The following ABLIM2 variants were observed in gnomAD, a reference collection of about 807,000 sequenced individuals.
ABLIM2 encodes the protein actin-binding LIM protein 2.
A neutral mutation model predicts 97.7 loss-of-function variants in ABLIM2; 53 were observed. The ratio of observed to expected loss-of-function variants is 0.54; its 90% CI spans 0.44 to 0.68. ABLIM2 has a LOEUF of 0.68. ABLIM2 is among the 30% of genes least tolerant of loss of function. ABLIM2 has a pLI of 0.00. For missense variants in ABLIM2, 835 were observed against 867.2 expected (o/e 0.96, Z 0.47); for synonymous variants, 361 against 345.8 (o/e 1.04, Z -0.49).
In ABLIM2 at chr4:8,019,681, A is replaced by G; in HGVS notation, c.1370-10T>C. The G allele has an allele frequency of 6.2e-7, 1 of 1,610,176 alleles. No individual in the cohort carries two copies. The highest frequency in any genetic ancestry group is 8.5e-7 in the Non-Finnish European group (1 of 1,177,422). Reference sequence around the variant, plus strand: ...TCTTTTACGCCAGTGTCTGGGGAAGAAGAAAGAAAAAAAAGGAGAGAACAG... The same window carrying G: ...TCTTTTACGCCAGTGTCTGGGGAAGGAGAAAGAAAAAAAAGGAGAGAACAG... On this transcript the variant is annotated splice_polypyrimidine_tract_variant and intron_variant, in intron 13 of 20. Coordinates refer to ENST00000447017, the MANE Select transcript of ABLIM2 (RefSeq NM_001130083.2). The surrounding 1 kb of genome is among the most constrained non-coding windows in gnomAD (Gnocchi z 4.3).
At chr4:8,073,186 C>T (rs1332522106) in intron 6 of ABLIM2, among the ~76,000 whole-genome samples, 6 of 148,510 alleles carry the variant, frequency 4.0e-5, no homozygotes, top group Non-Finnish European at 5.9e-5. Flanking sequence ...ATGGCCAGAG[C>T]GGCTGGACCC....
chr4:8,014,926 T>C (rs75026942), intron 14 of ABLIM2, among the ~76,000 whole-genome samples: 8 of 68,798 alleles, frequency 1.2e-4, no homozygotes, highest in Non-Finnish European at 2.7e-4. Flanking sequence ...CTTTCTTTCT[T>C]TTTTTTTTTT....
intron 20 of ABLIM2, among the ~76,000 whole-genome samples, chr4:7,977,566 G>A (rs190123058): frequency 6.6e-6 from 1 of 152,114 alleles, no homozygotes; most frequent in Non-Finnish European, 1.5e-5. Flanking sequence ...GAAGTGGGGG[G>A]ATCACCAGAG....
At chr4:8,070,675 G>A (rs1000297602) in intron 6 of ABLIM2, among the ~76,000 whole-genome samples, 1 of 152,144 alleles carries the variant, frequency 6.6e-6, no homozygotes. Flanking sequence ...CCTGTGGCAG[G>A]GATCTGTCAC....
At chr4:7,974,063 C>T (rs773184169) in intron 20 of ABLIM2, among the ~76,000 whole-genome samples, 18 of 152,184 alleles carry the variant, frequency 1.2e-4, no homozygotes, top group Non-Finnish European at 2.4e-4. Flanking sequence ...CCTGAGTCCC[C>T]GGCTTGCTGG....
intron 12 of ABLIM2, among the ~76,000 whole-genome samples, chr4:8,026,612 G>C (rs951470239): frequency 3.3e-5 from 5 of 152,252 alleles, no homozygotes; most frequent in African/African-American, 1.2e-4. Flanking sequence ...ATTGCTTGGG[G>C]AATTGGCAAG....
chr4:7,987,456 A>T (rs1745198116), intron 17 of ABLIM2, among the ~76,000 whole-genome samples: 1 of 151,734 alleles, frequency 6.6e-6, no homozygotes. Context: ...TCTTAGTCTC[A>T]GACTACCATC....
rs543294307 is a variant in ABLIM2 at position 8,154,197 on chromosome 4, T to C, written c.10+4483A>G. 7.9e-3 allele frequency among the ~76,000 whole-genome samples: 1,195 copies of C among 151,536 alleles called. 17 individuals are homozygous for C. The highest frequency in any genetic ancestry group is 0.027 in the African/African-American group (1,099 of 41,290). ...CAGGATGGTCTCCATCTCCTGACCT[T>C]GTGATCCACCCGCCTCGGCCTCCCA... is the stretch of plus-strand genomic sequence containing the variant. On this transcript the variant is annotated intron_variant, in intron 1 of 20. Transcript: ENST00000447017.
chr4:7,984,975 C>T (rs1008356875), intron 17 of ABLIM2, 82 bp from the exon 18 acceptor site: 2 of 1,456,218 alleles, frequency 1.4e-6, no homozygotes, highest in African/African-American at 2.8e-5. Context: ...AGATGTGGCC[C>T]CTTGGAGGCC....
In ABLIM2 at chr4:8,082,439, C is replaced by T. The variant is rs6819260; in HGVS notation, c.455-1637G>A. Among the ~76,000 whole-genome samples, 10,411 of 152,264 alleles carry T rather than the reference C, an allele frequency of 0.068. 620 individuals are homozygous for T. The highest frequency in any genetic ancestry group is 0.16 in the African/African-American group (6,788 of 41,524). ...ATCCCGGGTGAACAGTGAGCATCGGCGAGACCCCCTGTGGGCCTGCTGTGC... is the reference window on the plus strand; with the variant it reads ...ATCCCGGGTGAACAGTGAGCATCGGTGAGACCCCCTGTGGGCCTGCTGTGC... On this transcript the variant is annotated intron_variant, in intron 4 of 20. Coordinates refer to ENST00000447017, the MANE Select transcript of ABLIM2 (RefSeq NM_001130083.2). This position sits in a 1 kb window ranked among gnomAD's most constrained non-coding sequence, Gnocchi z 5.6.
In ABLIM2 at chr4:8,128,325, G is replaced by A. The variant is rs546380329; in HGVS notation, c.11-21688C>T. 6.6e-6 allele frequency among the ~76,000 whole-genome samples: 1 copy of A among 152,134 alleles called. No individual in the cohort carries two copies. The highest frequency in any genetic ancestry group is 1.5e-5 in the Non-Finnish European group (1 of 68,032). ...ACACCCAAACAAGGTCACATTCAGA[G>A]CTTCCAGGTGGGTGGGGCCACAAGA... On this transcript the variant is annotated intron_variant, in intron 1 of 20. Coordinates refer to ENST00000447017, the MANE Select transcript of ABLIM2 (RefSeq NM_001130083.2). This position sits in a 1 kb window ranked among gnomAD's most constrained non-coding sequence, Gnocchi z 4.9.
chr4:8,124,520 G>A lies in ABLIM2; in HGVS notation c.11-17883C>T, dbSNP rs918566281. Among the ~76,000 whole-genome samples the A allele has an allele frequency of 1.3e-5, 2 of 152,204 alleles. No homozygotes were observed. The highest frequency in any genetic ancestry group is 1.9e-4 in the East Asian group (1 of 5,162). ...GGAATCCCACACTGCGTGGTCCTTC[G>A]CGACTGGCTTCTTTCACTCGGCGTC... On this transcript the variant is annotated intron_variant, in intron 1 of 20. Transcript: ENST00000447017. The surrounding 1 kb of genome is among the most constrained non-coding windows in gnomAD (Gnocchi z 6.1).
At position 8,097,284 on chromosome 4, in the gene ABLIM2, TG is replaced by T. The variant is rs1561386460; in HGVS notation, c.155-3del. On this transcript the variant is annotated splice_polypyrimidine_tract_variant and splice_region_variant and intron_variant, in intron 2 of 20. Coordinates refer to ENST00000447017, the MANE Select transcript of ABLIM2 (RefSeq NM_001130083.2). ...CCTCGGCCAGGTCGCAGCCACATGC[TG>T]GGGGAGGACGGGCGAGGTGGCGTTA... 4.5e-6 allele frequency: 7 copies of T among 1,558,430 alleles called. No individual in the cohort carries two copies. Among genetic ancestry groups the T allele is most frequent in the Middle Eastern group, 3.4e-4 (2 of 5,946 alleles).
intron 3 of ABLIM2, among the ~76,000 whole-genome samples, chr4:8,089,070 G>A (rs1236558308): frequency 2.6e-5 from 4 of 152,060 alleles, no homozygotes; most frequent in South Asian, 2.1e-4. Context: ...TTAAAGTATC[G>A]CATTAAAATA....
At chr4:8,016,755 G>T (rs1769581042) in intron 14 of ABLIM2, among the ~76,000 whole-genome samples, 1 of 152,182 alleles carries the variant, frequency 6.6e-6, no homozygotes, top group Non-Finnish European at 1.5e-5. Flanking sequence ...ACCAAGATAA[G>T]ATGCTCTCCA....
chr4:8,033,136 G>T lies in ABLIM2; in HGVS notation c.1047+3013C>A, dbSNP rs576055886. On this transcript the variant is annotated intron_variant, in intron 10 of 20. Coordinates refer to ENST00000447017, the MANE Select transcript of ABLIM2 (RefSeq NM_001130083.2). The surrounding 1 kb of genome is among the most constrained non-coding windows in gnomAD (Gnocchi z 4.5). The stretch of plus-strand genomic sequence containing the variant: ...GGTTGGAGACGGCTCTGCCGTGGGG[G>T]TCCTGGGGCCCTAGACAGCAGGCTG... 2.5e-4 allele frequency among the ~76,000 whole-genome samples: 38 copies of T among 152,314 alleles called. No individual in the cohort carries two copies. In the South Asian group the frequency reaches 7.5e-3, roughly 30 times the overall value.
At position 8,113,597 on chromosome 4, in the gene ABLIM2, C is replaced by T. The variant is rs1057065838; in HGVS notation, c.11-6960G>A. Among the ~76,000 whole-genome samples the T allele has an allele frequency of 1.3e-5, 2 of 152,160 alleles. No individual in the cohort carries two copies. Among genetic ancestry groups the T allele is most frequent in the African/African-American group, 2.4e-5 (1 of 41,436 alleles). On this transcript the variant is annotated intron_variant, in intron 1 of 20. Transcript: ENST00000447017. This position sits in a 1 kb window ranked among gnomAD's most constrained non-coding sequence, Gnocchi z 4.5. ...CCACCTTGAGAATGGGCAGGGGACCCCCTTGTGTACTCACACAGGGGAAAA... is the reference window on the plus strand; with the variant it reads ...CCACCTTGAGAATGGGCAGGGGACCTCCTTGTGTACTCACACAGGGGAAAA...
At chr4:7,989,521 G>T in intron 17 of ABLIM2, 2 of 692,202 alleles carry the variant, frequency 2.9e-6, no homozygotes, top group Non-Finnish European at 3.6e-6. Flanking sequence ...CCTCCATAAT[G>T]AATTAGTGTT....
At position 7,996,812 on chromosome 4, in the gene ABLIM2, G is replaced by A. The variant is rs924733391; in HGVS notation, c.1619-3885C>T. On this transcript the variant is annotated intron_variant, in intron 16 of 20. Coordinates refer to ENST00000447017, the MANE Select transcript of ABLIM2 (RefSeq NM_001130083.2). The surrounding 1 kb of genome is among the most constrained non-coding windows in gnomAD (Gnocchi z 4.5). Reference sequence around the variant, plus strand: ...TCTTTCAGCACGTGAAAGACGTCAGGACACTTCCTGCTGGCCTCTGTGGCT... The same window carrying A: ...TCTTTCAGCACGTGAAAGACGTCAGAACACTTCCTGCTGGCCTCTGTGGCT... 2.0e-5 allele frequency among the ~76,000 whole-genome samples: 3 copies of A among 152,204 alleles called. No homozygotes were observed. The highest frequency in any genetic ancestry group is 4.8e-5 in the African/African-American group (2 of 41,450).
Sources: gnomAD v4.1 joint callset for allele counts (sites outside exome capture counted in the v4.1 genomes callset) on GRCh38, gnomAD v4.1.1 for gene constraint, Gnocchi (gnomAD v3.1) non-coding constraint, MANE v1.5 for transcripts, NCBI Gene and HGNC (gene_info 2026-07-23, HGNC 2026-07-21) for gene names.